The following HSPA12A variants were observed in gnomAD, a reference collection of about 807,000 sequenced individuals.
HSPA12A encodes the protein heat shock protein family A (Hsp70) member 12A.
Under a neutral mutation model 69.2 loss-of-function variants are expected in HSPA12A, and 28 were observed. That is an observed-to-expected ratio of 0.40 (90% confidence interval 0.30 to 0.55). HSPA12A has a LOEUF of 0.55. HSPA12A is among the 20% of genes least tolerant of loss of function. The pLI is 0.38. For synonymous variants in HSPA12A, 345 were observed against 370.5 expected (o/e 0.93, Z 0.79); for missense variants, 686 against 900.7 (o/e 0.76, Z 3.05).
At chr10:116,687,429 T>C (rs921012760) in intron 6 of HSPA12A, among the ~76,000 whole-genome samples, 1 of 152,152 alleles carries the variant, frequency 6.6e-6, no homozygotes, top group African/African-American at 2.4e-5. Flanking sequence ...GGCCGTGTCC[T>C]ACCTGCAAAC....
chr10:116,693,370 G>A (rs1554880388), intron 5 of HSPA12A, among the ~76,000 whole-genome samples: 3 of 152,220 alleles, frequency 2.0e-5, no homozygotes, highest in Admixed American at 1.3e-4. Flanking sequence ...AAAATATGTC[G>A]CTGGAGGACT....
At chr10:116,785,735 C>T (rs1208621366) in intron 2 of HSPA12A, among the ~76,000 whole-genome samples, 4 of 152,178 alleles carry the variant, frequency 2.6e-5, no homozygotes, top group Non-Finnish European at 5.9e-5. Context: ...CTGGCATCTG[C>T]TGTCACCCCC....
Position 116,675,428 on chromosome 10 carries a change from A to C in HSPA12A, c.1391-10T>G. On this transcript the variant is annotated splice_polypyrimidine_tract_variant and intron_variant, in intron 11 of 11. Transcript: ENST00000369209. The surrounding 1 kb of genome is among the most constrained non-coding windows in gnomAD (Gnocchi z 5.2). ...TTCTGAAACAGGTCCCCTGGAAGGG[A>C]AGAGGCAGGGAGAATGTCCTGTCAC... 1 of 1,569,016 alleles carries C rather than the reference A, an allele frequency of 6.4e-7. No homozygotes were observed. Among genetic ancestry groups the C allele is most frequent in the Non-Finnish European group, 8.6e-7 (1 of 1,158,188 alleles).
chr10:116,779,740 A>G (rs1198272135), intron 2 of HSPA12A, among the ~76,000 whole-genome samples: 1 of 152,126 alleles, frequency 6.6e-6, no homozygotes, highest in Non-Finnish European at 1.5e-5. Context: ...AAACCGAATA[A>G]CGCTGGGCAT....
At chr10:116,742,601 G>A (rs1200219055), upstream of HSPA12A, 5 of 1,094,832 alleles carry the variant, frequency 4.6e-6, no homozygotes, top group Non-Finnish European at 5.5e-6. Flanking sequence ...GCTCTGACGC[G>A]GCAGCCGCCG....
Position 116,839,111 on chromosome 10 carries a change from A to C in HSPA12A, c.4-4089T>G, listed in dbSNP as rs1157392544. On this transcript the variant is annotated intron_variant, in intron 1 of 12. Coordinates refer to the HSPA12A transcript ENST00000635765. ...TTGCAATGTTTGTATTCAATACATA[A>C]GGTGAATATACTTTCACAGTTGGAA... is the stretch of plus-strand genomic sequence containing the variant. Among the ~76,000 whole-genome samples, 11 of 152,376 alleles carry C rather than the reference A, an allele frequency of 7.2e-5. No homozygotes were observed. The East Asian group carries it at 1.7e-3, about 24-fold the overall frequency.
chr10:116,691,359 G>T (rs554789634), intron 6 of HSPA12A, among the ~76,000 whole-genome samples: 69 of 152,272 alleles, frequency 4.5e-4, no homozygotes, highest in African/African-American at 1.6e-3. Context: ...AACTATGCTG[G>T]GGCTCAGGGT....
chr10:116,849,820 T>C, upstream of HSPA12A: 1 of 1,388,356 alleles, frequency 7.2e-7, no homozygotes, highest in Non-Finnish European at 9.7e-7. Flanking sequence ...CGCCTGCGCC[T>C]CAGAATCTCG....
In HSPA12A at chr10:116,798,481, G is replaced by A. The variant is rs192991607; in HGVS notation, c.91+36454C>T. ...CAGCCCACATTAGCAATGTTCAAGT[G>A]AGTTTCAGTAGCATAGCACCTTCAG... On this transcript the variant is annotated intron_variant, in intron 2 of 12. Coordinates refer to the HSPA12A transcript ENST00000635765. 1.5e-3 allele frequency among the ~76,000 whole-genome samples: 227 copies of A among 152,300 alleles called. 2 individuals are homozygous for A. The highest frequency in any genetic ancestry group is 5.1e-3 in the African/African-American group (211 of 41,566).
chr10:116,788,958 C>T lies in HSPA12A; in HGVS notation c.91+45977G>A, dbSNP rs1053730425. 8.6e-4 allele frequency among the ~76,000 whole-genome samples: 130 copies of T among 151,868 alleles called. 1 individual carries two copies. The highest frequency in any genetic ancestry group is 2.9e-3 in the African/African-American group (119 of 41,410). ...TCAGCTCACTGCAACCTCTACCTCC[C>T]GGGTTCAAGCAGTTCTCCCTGCCTC... On this transcript the variant is annotated intron_variant, in intron 2 of 12. Coordinates refer to the HSPA12A transcript ENST00000635765.
chr10:116,714,092 T>C (rs925017325), intron 1 of HSPA12A, among the ~76,000 whole-genome samples: 8 of 151,294 alleles, frequency 5.3e-5, no homozygotes, highest in Non-Finnish European at 7.4e-5. Context: ...AGTGGATGGA[T>C]GGACGGATGG....
upstream of HSPA12A, among the ~76,000 whole-genome samples, chr10:116,743,906 C>T (rs1383885073): frequency 6.6e-6 from 1 of 152,198 alleles, no homozygotes; most frequent in African/African-American, 2.4e-5. Context: ...TTCTCATCTG[C>T]GAAATGGGTA....
intron 1 of HSPA12A, among the ~76,000 whole-genome samples, chr10:116,709,141 TGTC>T (rs1482559695): frequency 6.6e-6 from 1 of 152,180 alleles, no homozygotes; most frequent in Non-Finnish European, 1.5e-5. Flanking sequence ...ACACTTCCAG[TGTC>T]CAACAACAGA....
chr10:116,805,212 A>G (rs1164038367), intron 2 of HSPA12A, among the ~76,000 whole-genome samples: 4 of 152,080 alleles, frequency 2.6e-5, no homozygotes, highest in African/African-American at 4.8e-5. Context: ...GCTACTTGGG[A>G]GGCTGAGGCA....
chr10:116,701,555 C>T (rs1850077298), intron 3 of HSPA12A, among the ~76,000 whole-genome samples: 1 of 152,226 alleles, frequency 6.6e-6, no homozygotes, highest in South Asian at 2.1e-4. Context: ...GCATAATTAC[C>T]TGCCTTATGA....
chr10:116,773,593 C>T (rs1900502), intron 2 of HSPA12A, among the ~76,000 whole-genome samples: 59,881 of 152,212 alleles, frequency 0.39, 12,657 homozygotes, highest in Non-Finnish European at 0.46. Flanking sequence ...GCTAAGTAAG[C>T]AGTCTCCTCC....
At chr10:116,681,990 G>T in intron 7 of HSPA12A, 113 bp from the exon 8 acceptor site, 2 of 877,012 alleles carry the variant, frequency 2.3e-6, no homozygotes, top group Non-Finnish European at 3.7e-6. Context: ...GAACATTAGT[G>T]ACATTTGACC....
chr10:116,699,391 T>C (rs1310586821), intron 4 of HSPA12A, among the ~76,000 whole-genome samples: 1 of 151,782 alleles, frequency 6.6e-6, no homozygotes, highest in Non-Finnish European at 1.5e-5. Context: ...CATTAAAAAA[T>C]GATGAGAAAA....
chr10:116,832,855 T>A (rs185506977), intron 2 of HSPA12A: 1 of 152,334 alleles, frequency 6.6e-6, no homozygotes, highest in East Asian at 1.9e-4. Flanking sequence ...TATGCCATCT[T>A]ACTCAATCTA....
Sources: gnomAD v4.1 joint callset for allele counts (sites outside exome capture counted in the v4.1 genomes callset) on GRCh38, gnomAD v4.1.1 for gene constraint, Gnocchi (gnomAD v3.1) non-coding constraint, MANE v1.5 for transcripts, NCBI Gene and HGNC (gene_info 2026-07-23, HGNC 2026-07-21) for gene names.